The following MCPH1 variants were observed in gnomAD, a reference collection of about 807,000 sequenced individuals.
MCPH1 encodes the protein microcephalin.
Under a neutral mutation model 84.5 loss-of-function variants are expected in MCPH1, and 104 were observed. That is an observed-to-expected ratio of 1.23 (90% CI 1.05 to 1.45). The LOEUF (loss-of-function observed/expected upper bound fraction) is 1.45, where lower values mean the gene tolerates loss of function less well. Ranked by LOEUF, MCPH1 falls within the 40% of genes most tolerant of loss-of-function variation. The pLI is 0.00. For synonymous variants in MCPH1, 514 were observed against 366.8 expected (o/e 1.40, Z -4.58); for missense variants, 1,498 against 1,005.7 (o/e 1.49, Z -6.62).
chr8:6,526,755 C>T (rs925179088), intron 12 of MCPH1, among the ~76,000 whole-genome samples: 2 of 152,032 alleles, frequency 1.3e-5, no homozygotes, highest in East Asian at 3.8e-4. Context: ...TAGCCATGTT[C>T]CATGTTGTAT....
chr8:6,477,342 G>C, intron 9 of MCPH1: 1 of 463,606 alleles, frequency 2.2e-6, no homozygotes, highest in Non-Finnish European at 3.8e-6. Flanking sequence ...GATTCCTGGG[G>C]GAAATTTTTT....
chr8:6,631,794 G>A (rs1453689465), intron 13 of MCPH1, among the ~76,000 whole-genome samples: 2 of 152,192 alleles, frequency 1.3e-5, no homozygotes, highest in African/African-American at 4.8e-5. Flanking sequence ...ATCAAAAAAT[G>A]AAAAGTAGAA....
At chr8:6,421,256 T>C (rs1165213908) in intron 3 of MCPH1, among the ~76,000 whole-genome samples, 1 of 152,192 alleles carries the variant, frequency 6.6e-6, no homozygotes, top group Admixed American at 6.5e-5. Context: ...TGTCAGGAAA[T>C]GGCCTCTCCC....
intron 13 of MCPH1, chr8:6,625,127 G>A (rs146312653): frequency 7.2e-5 from 66 of 916,402 alleles, no homozygotes; most frequent in African/African-American, 1.3e-4. Flanking sequence ...CTCCTGCCTC[G>A]GCCTCCCAAA....
At chr8:6,542,486 C>A (rs192644469) in intron 12 of MCPH1, among the ~76,000 whole-genome samples, 94 of 152,064 alleles carry the variant, frequency 6.2e-4, no homozygotes, top group Middle Eastern at 3.4e-3. Flanking sequence ...GTAAGAGGGA[C>A]GCTAGCGCCT....
rs1444990005 is a variant in MCPH1, at chr8:6,489,797, G to A, written c.2136+8921G>A. Among the ~76,000 whole-genome samples, 3 of 152,174 alleles carry A rather than the reference G, an allele frequency of 2.0e-5. No individual in the cohort carries two copies. The East Asian group carries it at 5.8e-4, about 29-fold the overall frequency. ...ATGTGGTTGCATTATGGTGAGTTGA[G>A]TGTGGCCTTGGGAAGCATCTGAATC... On this transcript the variant is annotated intron_variant, in intron 11 of 13. Coordinates refer to ENST00000344683, the MANE Select transcript of MCPH1 (RefSeq NM_024596.5).
chr8:6,622,875 C>G (rs1831611353), intron 13 of MCPH1, among the ~76,000 whole-genome samples: 1 of 152,180 alleles, frequency 6.6e-6, no homozygotes, highest in Non-Finnish European at 1.5e-5. Flanking sequence ...GTGTCTCGCT[C>G]TGTCACCCAG....
In MCPH1 at chr8:6,445,503, C is replaced by G. The variant is rs115033462; in HGVS notation, c.1781C>G (p.Thr594Arg). ...TTTATAGTTGACTGTAACATGGAGA[C>G]GTCTACAGAAGAGAAGGAAAACTTA... is the stretch of plus-strand genomic sequence containing the variant. ...PCFIVDCNME[T>R]STEEKENLPG... Residue 594 changes from threonine (T) to arginine (R), a missense_variant, in exon 8 of 14, where the codon ACG becomes AGG. Physicochemically the swap from Thr to Arg is moderately conservative, Grantham distance 71 (BLOSUM62 -1). Coordinates refer to ENST00000344683, the MANE Select transcript of MCPH1 (RefSeq NM_024596.5). 3.1e-6 allele frequency: 5 copies of G among 1,612,220 alleles called. No individual in the cohort carries two copies. The Admixed American group carries it at 5.0e-5, about 16-fold the overall frequency.
chr8:6,471,067 T>A (rs531094741), intron 9 of MCPH1, among the ~76,000 whole-genome samples: 2 of 152,248 alleles, frequency 1.3e-5, no homozygotes, highest in South Asian at 4.1e-4. Flanking sequence ...GCCTATAAAT[T>A]TGGGGGAATG....
At chr8:6,459,625 G>C (rs1320756447) in intron 9 of MCPH1, among the ~76,000 whole-genome samples, 1 of 152,196 alleles carries the variant, frequency 6.6e-6, no homozygotes, top group Non-Finnish European at 1.5e-5. Context: ...GTCTGGGCCT[G>C]ACATTTTTAT....
In MCPH1 at chr8:6,468,769, G is replaced by T. The variant is rs77373266; in HGVS notation, c.1936-8825G>T. 1.8e-4 allele frequency among the ~76,000 whole-genome samples: 28 copies of T among 152,004 alleles called. No homozygotes were observed. In the East Asian group the frequency reaches 5.0e-3, roughly 27 times the overall value. Reference sequence around the variant, plus strand: ...TATTATTTGAAACTGTTTGGAAAAGGTATTGTAGTTTTTAGAAAAACAAAG... The same window carrying T: ...TATTATTTGAAACTGTTTGGAAAAGTTATTGTAGTTTTTAGAAAAACAAAG... On this transcript the variant is annotated intron_variant, in intron 9 of 13. Coordinates refer to ENST00000344683, the MANE Select transcript of MCPH1 (RefSeq NM_024596.5).
chr8:6,499,278 C>T (rs1042035027), intron 11 of MCPH1, among the ~76,000 whole-genome samples: 1 of 151,816 alleles, frequency 6.6e-6, no homozygotes, highest in South Asian at 2.1e-4. Context: ...GATTCAAATA[C>T]TAAGAGGATA....
chr8:6,446,579 A>T, intron 8 of MCPH1: 1 of 982,280 alleles, frequency 1.0e-6, no homozygotes, highest in Non-Finnish European at 1.2e-6. Context: ...TTTATGTTCC[A>T]TTAGCCTTAG....
intron 9 of MCPH1, among the ~76,000 whole-genome samples, chr8:6,456,617 C>T (rs1805707827): frequency 6.6e-6 from 1 of 151,808 alleles, no homozygotes; most frequent in Non-Finnish European, 1.5e-5. Context: ...GCCGTGGTAC[C>T]TCTCATCTCT....
chr8:6,596,766 C>T (rs992343192), intron 12 of MCPH1, among the ~76,000 whole-genome samples: 7 of 152,178 alleles, frequency 4.6e-5, no homozygotes, highest in Non-Finnish European at 8.8e-5. Flanking sequence ...GCCAGATCAA[C>T]GCGAGAATAA....
chr8:6,628,469 CAAAAAAAAAAAAAAA>C (rs34188003), intron 13 of MCPH1, among the ~76,000 whole-genome samples: 16 of 41,606 alleles, frequency 3.8e-4, no homozygotes, highest in Admixed American at 9.3e-4. Flanking sequence ...GACTCTGTCT[CAAAAAAAAAAAAAAA>C]AAAAAAAAAA....
chr8:6,407,751 T>C (rs1797948782), intron 1 of MCPH1, among the ~76,000 whole-genome samples: 4 of 152,150 alleles, frequency 2.6e-5, no homozygotes, highest in Non-Finnish European at 5.9e-5. Flanking sequence ...CTTTTAAACA[T>C]CAGGTTTTGA....
chr8:6,424,301 G>A (rs1384471023), intron 3 of MCPH1, among the ~76,000 whole-genome samples: 1 of 150,732 alleles, frequency 6.6e-6, no homozygotes, highest in Non-Finnish European at 1.5e-5. Context: ...CTAACAGCTA[G>A]GTGGGGAATA....
At chr8:6,450,660 G>A (rs2515573) in intron 8 of MCPH1, among the ~76,000 whole-genome samples, 102,808 of 151,526 alleles carry the variant, frequency 0.68, 38,305 homozygotes, top group Non-Finnish European at 0.81. Flanking sequence ...TGATGTCACC[G>A]ATAACCACTC....
Sources: allele counts gnomAD v4.1 joint callset (sites outside exome capture counted in the v4.1 genomes callset), GRCh38; gene constraint gnomAD v4.1.1; transcripts MANE v1.5; gene names NCBI Gene and HGNC (gene_info 2026-07-23, HGNC 2026-07-21).